CYTH2: variants seen among roughly 807,000 people sequenced by gnomAD.
The protein encoded by CYTH2 is cytohesin 2.
In CYTH2, 24 loss-of-function variants were observed where a neutral mutation model predicts 55.4. That is an observed-to-expected ratio of 0.43 (90% CI 0.31 to 0.61). The LOEUF is 0.61. Among genes scored for constraint, CYTH2 ranks in the 20% least tolerant of loss-of-function variants. CYTH2 has a pLI of 0.08. For synonymous variants in CYTH2, 221 were observed against 209.6 expected, an observed-to-expected ratio of 1.05 and a Z score of -0.47; for missense variants, 378 against 533.5, an observed-to-expected ratio of 0.71 and a Z score of 2.87.
At position 48,474,428 on chromosome 19, in the gene CYTH2, C is replaced by A; in HGVS notation, c.696+98C>A. ...TCCTAGTGCCCAAGCTGTCTGCCCTCACCCCCAAGATGGTGCGATCATGCC... is the reference window on the plus strand; with the variant it reads ...TCCTAGTGCCCAAGCTGTCTGCCCTAACCCCCAAGATGGTGCGATCATGCC... On this transcript the variant is annotated intron_variant, in intron 7 of 11. Coordinates refer to ENST00000452733, the MANE Select transcript of CYTH2 (RefSeq NM_004228.7). The surrounding 1 kb of genome is among the most constrained non-coding windows in gnomAD (Gnocchi z 4.9). 7.5e-7 allele frequency: 1 copy of A among 1,334,260 alleles called. No individual in the cohort carries two copies. The highest frequency in any genetic ancestry group is 1.0e-6 in the Non-Finnish European group (1 of 990,972). The allele number at this position is 1,334,260 out of a possible 1,614,324, so 82.7% of individuals were successfully genotyped here.
Position 48,479,521 on chromosome 19 carries a change from G to T in CYTH2, c.*311G>T. ...GGGCTGTCCCGGTGGGTCTGTTCTG[G>T]TTTCACCCCGAGCCCAGCAGGAGTG... is the stretch of plus-strand genomic sequence containing the variant. On this transcript the variant is annotated 3_prime_UTR_variant, in exon 12 of 12. Coordinates refer to ENST00000452733, the MANE Select transcript of CYTH2 (RefSeq NM_004228.7). 1 of 375,216 alleles carries T rather than the reference G, an allele frequency of 2.7e-6. No homozygotes were observed. The highest frequency in any genetic ancestry group is 4.9e-6 in the Non-Finnish European group (1 of 203,374). 23.2% of individuals were successfully genotyped at this position (375,216 alleles called of 1,614,324 possible). A position where few individuals can be genotyped will look rare whatever the true frequency, so the allele number is the denominator to read the frequency against.
intron 5 of CYTH2, 103 bp from the exon 6 acceptor site, chr19:48,473,802 G>C (rs1971851740): frequency 1.1e-6 from 1 of 893,980 alleles, no homozygotes; most frequent in Non-Finnish European, 1.7e-6. Flanking sequence ...GCTGAGGCCG[G>C]AAGGTCGGGA....
At chr19:48,473,780 C>T (rs1971851375) in intron 5 of CYTH2, 125 bp from the exon 6 acceptor site, 2 of 733,494 alleles carry the variant, frequency 2.7e-6, no homozygotes, top group African/African-American at 1.8e-5. Context: ...TGTGACCATA[C>T]CTGAAACAAC....
Position 48,474,144 on chromosome 19 carries a change from C to T in CYTH2, c.548-38C>T. 1 of 1,558,958 alleles carries T rather than the reference C, an allele frequency of 6.4e-7. No homozygotes were observed. Among genetic ancestry groups the T allele is most frequent in the South Asian group, 1.2e-5 (1 of 81,826 alleles). Reference sequence around the variant, plus strand: ...GGGGAATGGGGGCACTGGGGACTGACATGCCTGGGTCGTCACCACCTGCCC... The same window carrying T: ...GGGGAATGGGGGCACTGGGGACTGATATGCCTGGGTCGTCACCACCTGCCC... On this transcript the variant is annotated intron_variant, in intron 6 of 11. Transcript: ENST00000452733. The surrounding 1 kb of genome is among the most constrained non-coding windows in gnomAD (Gnocchi z 4.9).
At position 48,470,102 on chromosome 19, in the gene CYTH2, G is replaced by C; in HGVS notation, c.20-251G>C. On this transcript the variant is annotated intron_variant, in intron 1 of 11. Transcript: ENST00000452733. Reference sequence around the variant, plus strand: ...TTCTTCCCTCAGATCTAAGAGCTCAGGCACCCATTCCCCTTCTCCCTCAGA... The same window carrying C: ...TTCTTCCCTCAGATCTAAGAGCTCACGCACCCATTCCCCTTCTCCCTCAGA... The C allele has an allele frequency of 4.3e-6, 3 of 693,836 alleles. No homozygotes were observed. In the South Asian group the frequency reaches 4.4e-5, roughly 10 times the overall value. 43.0% of individuals were successfully genotyped at this position (693,836 alleles called of 1,614,324 possible).
At chr19:48,478,691 G>T in intron 11 of CYTH2, 99 bp downstream of exon 11, 1 of 699,982 alleles carries the variant, frequency 1.4e-6, no homozygotes, top group Non-Finnish European at 2.2e-6. Context: ...GGGTCTGATG[G>T]AGGAGGGGCT....
chr19:48,473,779 AC>A, intron 5 of CYTH2, 125 bp from the exon 6 acceptor site: 2 of 720,458 alleles, frequency 2.8e-6, no homozygotes, highest in Non-Finnish European at 4.6e-6. Context: ...ATGTGACCAT[AC>A]CTGAAACAAC....
chr19:48,475,245 T>A (rs1402040832), intron 8 of CYTH2: 1 of 367,702 alleles, frequency 2.7e-6, no homozygotes, highest in Non-Finnish European at 4.9e-6. Flanking sequence ...CAGCTGACAT[T>A]GTCCTTTCGT....
At chr19:48,475,195 T>G in intron 8 of CYTH2, 1 of 497,316 alleles carries the variant, frequency 2.0e-6, no homozygotes, top group Non-Finnish European at 3.6e-6. Context: ...GGAGCCCTTC[T>G]GTGCCAGGCC....
intron 4 of CYTH2, 155 bp from the exon 5 acceptor site, chr19:48,473,143 G>A (rs539242486): frequency 1.4e-6 from 1 of 739,618 alleles, no homozygotes; most frequent in South Asian, 1.7e-5. Context: ...CCACCCTGGG[G>A]GCAGGCCTGT....
intron 8 of CYTH2, chr19:48,475,886 A>G (rs1434055173): frequency 3.1e-6 from 1 of 323,712 alleles, no homozygotes; most frequent in Non-Finnish European, 6.3e-6. Flanking sequence ...TATAATGGAG[A>G]CACGGTGCAC....
At chr19:48,473,489 C>T (rs1971845573) in intron 5 of CYTH2, 111 bp downstream of exon 5, 2 of 1,126,648 alleles carry the variant, frequency 1.8e-6, no homozygotes, top group Admixed American at 1.9e-5. Flanking sequence ...AAAACAGAAA[C>T]AAAAACTAGG....
chr19:48,475,185 G>A, intron 8 of CYTH2: 1 of 515,684 alleles, frequency 1.9e-6, no homozygotes, highest in Non-Finnish European at 3.4e-6. Context: ...AAATGTTGAT[G>A]GAGCCCTTCT....
intron 3 of CYTH2, among the ~76,000 whole-genome samples, chr19:48,472,122 A>G (rs533070437): frequency 6.6e-6 from 1 of 152,358 alleles, no homozygotes; most frequent in East Asian, 1.9e-4. Flanking sequence ...GGAATTAACC[A>G]GGCAAAGGCA....
At chr19:48,473,232 A>G in intron 4 of CYTH2, 66 bp from the exon 5 acceptor site, 1 of 1,563,090 alleles carries the variant, frequency 6.4e-7, no homozygotes. Flanking sequence ...TCCCCAGGGC[A>G]TTGCCCTTTG....
At chr19:48,477,999 G>C (rs1482650387) in intron 8 of CYTH2, 70 bp from the exon 9 acceptor site, 1 of 1,301,312 alleles carries the variant, frequency 7.7e-7, no homozygotes, top group Non-Finnish European at 1.1e-6. Context: ...TGCTTCTCAC[G>C]CCCCTCCCAT....
chr19:48,474,805 G>T lies in CYTH2; in HGVS notation c.697-33G>T. ...GAGTAACCCTGGGGGGCCCCAGGGG[G>T]CTCGAATGGCTAATGCAGCCTTTAC... On this transcript the variant is annotated intron_variant, in intron 7 of 11. Coordinates refer to ENST00000452733, the MANE Select transcript of CYTH2 (RefSeq NM_004228.7). This position sits in a 1 kb window ranked among gnomAD's most constrained non-coding sequence, Gnocchi z 4.9. 6.2e-6 allele frequency: 10 copies of T among 1,610,786 alleles called. No homozygotes were observed. Among genetic ancestry groups the T allele is most frequent in the Non-Finnish European group, 8.5e-6 (10 of 1,177,408 alleles).
chr19:48,471,166 T>TTGTGTGTGTGTGTGTG lies in CYTH2; in HGVS notation c.234+511_234+512insTGTGTGTGTGTGTGTG, dbSNP rs372484993. 4.5e-4 allele frequency among the ~76,000 whole-genome samples: 68 copies of TTGTGTGTGTGTGTGTG among 150,648 alleles called. 1 individual carries two copies. Among genetic ancestry groups the TTGTGTGTGTGTGTGTG allele is most frequent in the African/African-American group, 1.6e-3 (65 of 40,244 alleles). On this transcript the variant is annotated intron_variant, in intron 3 of 11. Coordinates refer to ENST00000452733, the MANE Select transcript of CYTH2 (RefSeq NM_004228.7). ...GGAAAGGCTTTTGTTCACCTACTCT[T>TTGTGTGTGTGTGTGTG]TGTGTGTGTGTGTGAGACAGAGTCT... is the stretch of plus-strand genomic sequence containing the variant.
intron 8 of CYTH2, 103 bp from the exon 9 acceptor site, chr19:48,477,965 GC>G (rs1569092052): frequency 1.1e-6 from 1 of 875,200 alleles, no homozygotes; most frequent in African/African-American, 1.7e-5. Flanking sequence ...GGCCCCAGGA[GC>G]CCCACCTCTA....
Sources: gnomAD v4.1 joint callset for allele counts (sites outside exome capture counted in the v4.1 genomes callset) on GRCh38, gnomAD v4.1.1 for gene constraint, Gnocchi (gnomAD v3.1) non-coding constraint, MANE v1.5 for transcripts, NCBI Gene and HGNC (gene_info 2026-07-23, HGNC 2026-07-21) for gene names.